PLAAT3: variants seen among roughly 807,000 people sequenced by gnomAD.
PLAAT3 encodes the protein phospholipase A and acyltransferase 3.
In PLAAT3, 21 loss-of-function variants were observed where a neutral mutation model predicts 16.7. The ratio of observed to expected loss-of-function variants is 1.26; its 90% CI spans 0.89 to 1.81. The LOEUF is 1.81. PLAAT3 is among the 40% of genes most tolerant of loss of function. The pLI is 0.00. For missense variants in PLAAT3, 219 were observed against 213.7 expected (o/e 1.02, Z -0.16); for synonymous variants, 76 against 81.7 (o/e 0.93, Z 0.38).
chr11:63,606,373 A>C (rs1322161381), intron 2 of PLAAT3, among the ~76,000 whole-genome samples: 1 of 151,226 alleles, frequency 6.6e-6, no homozygotes, highest in Non-Finnish European at 1.5e-5. Flanking sequence ...ATCACCTGTC[A>C]GGAGTTCAAG....
intron 4 of PLAAT3, among the ~76,000 whole-genome samples, chr11:63,578,242 C>T (rs1338756635): frequency 6.6e-6 from 1 of 151,270 alleles, no homozygotes; most frequent in African/African-American, 2.4e-5. Context: ...GAGATGGTGC[C>T]ACTGCACTCC....
At chr11:63,598,852 C>T (rs755467326) in intron 2 of PLAAT3, 2 of 419,606 alleles carry the variant, frequency 4.8e-6, no homozygotes, top group Non-Finnish European at 4.8e-6. Flanking sequence ...TGCATGTTCA[C>T]ATTGAGTGAG....
chr11:63,613,295 C>T (rs927970263), intron 2 of PLAAT3, among the ~76,000 whole-genome samples: 1 of 152,026 alleles, frequency 6.6e-6, no homozygotes, highest in African/African-American at 2.4e-5. Flanking sequence ...CCTGTACTCC[C>T]AGCTACTCGG....
chr11:63,598,139 T>A lies in PLAAT3; in HGVS notation c.40A>T (p.Ile14Phe). 6.2e-7 allele frequency: 1 copy of A among 1,613,844 alleles called. No homozygotes were observed. The highest frequency in any genetic ancestry group is 8.5e-7 in the Non-Finnish European group (1 of 1,179,764). Residue 14 changes from isoleucine to phenylalanine, a missense_variant, in exon 3 of 5, where the codon ATT becomes TTT. Coordinates refer to ENST00000415826, the MANE Select transcript of PLAAT3 (RefSeq NM_001128203.2). ...CTGTAGAAAGGGCGAAAAATCTCAA[T>A]CAGGTCTCCAGGCTTAGGCTCTGGC... ...PIPEPKPGDL[I>F]EIFRPFYRHW...
At chr11:63,597,503 G>C (rs1013665710) in intron 3 of PLAAT3, among the ~76,000 whole-genome samples, 1 of 152,162 alleles carries the variant, frequency 6.6e-6, no homozygotes, top group Non-Finnish European at 1.5e-5. Flanking sequence ...TCCAGCCTGA[G>C]TGACAGAGCA....
chr11:63,607,722 C>A (rs911346005), intron 2 of PLAAT3, among the ~76,000 whole-genome samples: 65 of 151,524 alleles, frequency 4.3e-4, no homozygotes, highest in African/African-American at 1.4e-3. Context: ...GAGGAAGTAG[C>A]CTTTATGGAG....
chr11:63,601,131 T>C (rs1000813685), intron 2 of PLAAT3, among the ~76,000 whole-genome samples: 7 of 148,514 alleles, frequency 4.7e-5, no homozygotes, highest in African/African-American at 1.7e-4. Flanking sequence ...CTCGGCTCAC[T>C]GCAAGCTCCG....
At chr11:63,582,428 T>C (rs1398920746) in intron 4 of PLAAT3, among the ~76,000 whole-genome samples, 1 of 152,180 alleles carries the variant, frequency 6.6e-6, no homozygotes, top group East Asian at 1.9e-4. Flanking sequence ...CAAGAACTTG[T>C]AGGTTACTTG....
At chr11:63,615,799 T>A (rs539078524), upstream of PLAAT3, among the ~76,000 whole-genome samples, 3 of 150,920 alleles carry the variant, frequency 2.0e-5, no homozygotes, top group Non-Finnish European at 4.4e-5. Flanking sequence ...TCCGGAGTAG[T>A]TGGGATTACA....
At chr11:63,583,453 A>G (rs1304452853) in intron 4 of PLAAT3, among the ~76,000 whole-genome samples, 1 of 152,272 alleles carries the variant, frequency 6.6e-6, no homozygotes, top group Non-Finnish European at 1.5e-5. Flanking sequence ...GGTTCATACA[A>G]AAGATACTTT....
At position 63,590,239 on chromosome 11, in the gene PLAAT3, T is replaced by C; in HGVS notation, c.248A>G (p.Lys83Arg). ...TTTGCTGCAGGGCAGCGGCGAGTAC[T>C]TGTCATCATGTTTGTTGTTGACCTG... ...KYQVNNKHDD[K>R]YSPLPCSKII... Residue 83 changes from lysine to arginine, a missense_variant, in exon 4 of 5, where the codon AAG (lysine) becomes AGG (arginine). Coordinates refer to ENST00000415826, the MANE Select transcript of PLAAT3 (RefSeq NM_001128203.2). 14 of 1,614,244 alleles carry C rather than the reference T, an allele frequency of 8.7e-6. 1 individual carries two copies. The highest frequency in any genetic ancestry group is 3.3e-4 in the Middle Eastern group (2 of 6,062).
In PLAAT3 at chr11:63,613,810, G is replaced by A. The variant is rs1241020421; in HGVS notation, c.15+190C>T. Among the ~76,000 whole-genome samples, 3 of 152,264 alleles carry A rather than the reference G, an allele frequency of 2.0e-5. No individual in the cohort carries two copies. In the East Asian group the frequency reaches 5.8e-4, roughly 29 times the overall value. On this transcript the variant is annotated intron_variant, in intron 2 of 4. Transcript: ENST00000415826. ...CCCCCACACCGGCCCCCGGAAGGAC[G>A]CGCCGAGACAACTCCCAACAGGTGC... is the stretch of plus-strand genomic sequence containing the variant.
chr11:63,603,393 G>A (rs1295178052), intron 2 of PLAAT3, among the ~76,000 whole-genome samples: 4 of 152,154 alleles, frequency 2.6e-5, no homozygotes, highest in Admixed American at 2.0e-4. Context: ...AGAACAAAAA[G>A]CCTTTATCTT....
chr11:63,596,237 CAAAAAAAAAAAAAAAAA>C (rs56081443), intron 3 of PLAAT3, among the ~76,000 whole-genome samples: 1 of 40,708 alleles, frequency 2.5e-5, no homozygotes, highest in East Asian at 1.0e-3. Flanking sequence ...GAGACTCTGT[CAAAAAAAAAAAAAAAAA>C]AAAAAAAAAA....
intron 2 of PLAAT3, among the ~76,000 whole-genome samples, chr11:63,609,691 T>C (rs1938647888): frequency 6.6e-6 from 1 of 152,076 alleles, no homozygotes; most frequent in Non-Finnish European, 1.5e-5. Flanking sequence ...GCCTGACACA[T>C]TACACTTTCC....
chr11:63,598,729 G>T (rs544120704), intron 2 of PLAAT3: 2 of 517,942 alleles, frequency 3.9e-6, no homozygotes, highest in African/African-American at 1.9e-5. Flanking sequence ...GAGGCTGCCA[G>T]ATCTGGAGGG....
At chr11:63,608,182 A>T (rs1178708723) in intron 2 of PLAAT3, among the ~76,000 whole-genome samples, 1 of 152,152 alleles carries the variant, frequency 6.6e-6, no homozygotes, top group Non-Finnish European at 1.5e-5. Context: ...ACTCCATCTC[A>T]AATTAATTAA....
intron 4 of PLAAT3, among the ~76,000 whole-genome samples, chr11:63,584,518 G>GTTTTTTTTTTTT (rs1217065281): frequency 1.8e-5 from 2 of 114,216 alleles, no homozygotes; most frequent in Non-Finnish European, 3.7e-5. Flanking sequence ...GTTTTTTTTT[G>GTTTTTTTTTTTT]TTTTTTTTTT....
chr11:63,609,713 C>A (rs1420460328), intron 2 of PLAAT3, among the ~76,000 whole-genome samples: 2 of 152,136 alleles, frequency 1.3e-5, no homozygotes, highest in Non-Finnish European at 2.9e-5. Flanking sequence ...TTATTGCCAC[C>A]CTGTGCCCAG....
Sources: gnomAD v4.1 joint callset for allele counts (sites outside exome capture counted in the v4.1 genomes callset) on GRCh38, gnomAD v4.1.1 for gene constraint, MANE v1.5 for transcripts, NCBI Gene and HGNC (gene_info 2026-07-23, HGNC 2026-07-21) for gene names.